Variants in ART3 observed in about 807,000 individuals in gnomAD.
ART3 encodes ecto-ADP-ribosyltransferase 3.
ART3 carries 49 observed loss-of-function variants against 48.5 expected under a neutral mutation model. The observed-to-expected ratio is 1.01, with a 90% CI of 0.80 to 1.28. The LOEUF is 1.28. Ranked by LOEUF, ART3 falls within the 50% of genes most tolerant of loss-of-function variation. ART3 has a pLI of 0.00. For missense variants in ART3, 438 were observed against 454.3 expected (o/e 0.96, Z 0.33); for synonymous variants, 145 against 157.2 (o/e 0.92, Z 0.58).
In ART3 at chr4:76,049,757, G is replaced by A. The variant is rs118063934; in HGVS notation, c.-9-26124G>A. Among the ~76,000 whole-genome samples the A allele has an allele frequency of 5.5e-4, 84 of 152,132 alleles. 1 individual carries two copies. The East Asian group carries it at 0.015, about 27-fold the overall frequency. On this transcript the variant is annotated intron_variant, in intron 1 of 9. Coordinates refer to the ART3 transcript ENST00000341029. ...GCGATAGGCGATGGTCTTACCGCTC[G>A]GCGATAGGCGAAAGTCCCTTCGTGG... is the stretch of plus-strand genomic sequence containing the variant.
In ART3 at chr4:76,082,097, T is replaced by C. The variant is rs781667032; in HGVS notation, c.343T>C (p.Phe115Leu). 1.2e-6 allele frequency: 2 copies of C among 1,614,226 alleles called. No homozygotes were observed. The highest frequency in any genetic ancestry group is 2.2e-5 in the South Asian group (2 of 91,086). The change falls in exon 3 of 12, where the codon TTC becomes CTC. Residue 115 changes from phenylalanine to leucine, a missense_variant. By Grantham distance (22) the Phe-to-Leu change is conservative. Around this residue, in one of 3 missense-constraint regions of ART3, gnomAD observed 206 missense variants for 205.3 expected, o/e 1.00. Transcript: ENST00000355810. ...AGAGCAAACTCCCTTTTACCATCTG[T>C]TCAGTGAAGCTGTGAAGATGGCTGG... is the stretch of plus-strand genomic sequence containing the variant. ...AQEQTPFYHL[F>L]SEAVKMAGQS... is the part of the protein sequence containing the mutation.
At chr4:76,069,372 T>A (rs1720072595) in intron 1 of ART3, among the ~76,000 whole-genome samples, 2 of 144,364 alleles carry the variant, frequency 1.4e-5, no homozygotes, top group South Asian at 4.4e-4. Context: ...TGTAAATGTA[T>A]CAGTACTTAA....
intron 1 of ART3, among the ~76,000 whole-genome samples, chr4:76,038,097 G>A (rs1012806153): frequency 6.6e-6 from 1 of 152,012 alleles, no homozygotes; most frequent in African/African-American, 2.4e-5. Context: ...TTTCTGAGTA[G>A]CATGATGAAA....
At chr4:76,073,582 AC>A (rs1418889460), upstream of ART3, among the ~76,000 whole-genome samples, 1 of 152,198 alleles carries the variant, frequency 6.6e-6, no homozygotes, top group Non-Finnish European at 1.5e-5. Flanking sequence ...TACAAAAAAA[AC>A]ACATATCATA....
At position 76,012,496 on chromosome 4, in the gene ART3, A is replaced by G. The variant is rs1161986262; in HGVS notation, c.-10+1176A>G. ...CTTCCTAAATACAACATGGTGAGTTACATGCAGGCAAATCCTAGCTGTGGG... is the reference window on the plus strand; with the variant it reads ...CTTCCTAAATACAACATGGTGAGTTGCATGCAGGCAAATCCTAGCTGTGGG... On this transcript the variant is annotated intron_variant, in intron 1 of 9. Transcript: ENST00000341029. 2.0e-5 allele frequency among the ~76,000 whole-genome samples: 3 copies of G among 152,176 alleles called. No homozygotes were observed. The East Asian group carries it at 5.8e-4, about 29-fold the overall frequency.
At chr4:76,037,972 C>A (rs1734591907) in intron 1 of ART3, among the ~76,000 whole-genome samples, 1 of 152,126 alleles carries the variant, frequency 6.6e-6, no homozygotes. Flanking sequence ...TATAATCCTG[C>A]ATTTAAATTC....
intron 1 of ART3, chr4:76,023,471 T>C: frequency 6.4e-7 from 1 of 1,568,742 alleles, no homozygotes; most frequent in South Asian, 1.1e-5. Flanking sequence ...AGGCTCAGAA[T>C]ATGTCTAAGC....
chr4:76,016,763 G>A (rs149276706), intron 1 of ART3, among the ~76,000 whole-genome samples: 255 of 152,242 alleles, frequency 1.7e-3, no homozygotes, highest in Non-Finnish European at 2.3e-3. Context: ...ATTCTGTTGC[G>A]GCTAAGCTGG....
intron 11 of ART3, among the ~76,000 whole-genome samples, chr4:76,110,945 CGTTA>C (rs138578816): frequency 0.012 from 1,791 of 148,174 alleles, 32 homozygotes; most frequent in African/African-American, 0.039. Context: ...TATTGTAAAA[CGTTA>C]GTATTTATCC....
chr4:76,083,993 G>A (rs746365100), intron 3 of ART3, among the ~76,000 whole-genome samples: 2 of 152,154 alleles, frequency 1.3e-5, no homozygotes, highest in Non-Finnish European at 2.9e-5. Flanking sequence ...AGCTCAGTTA[G>A]AGTGGTTTTT....
At chr4:76,064,084 A>G (rs1245004394) in intron 1 of ART3, among the ~76,000 whole-genome samples, 1 of 152,248 alleles carries the variant, frequency 6.6e-6, no homozygotes, top group Non-Finnish European at 1.5e-5. Context: ...AAAAGTACCC[A>G]GGGATTCAAT....
upstream of ART3, among the ~76,000 whole-genome samples, chr4:76,073,490 T>A (rs987507792): frequency 1.3e-5 from 2 of 152,352 alleles, no homozygotes; most frequent in East Asian, 3.9e-4. Context: ...ATATCTCTAT[T>A]CTAAAGAGTA....
At chr4:76,073,623 T>C (rs1337075486), upstream of ART3, among the ~76,000 whole-genome samples, 1 of 152,220 alleles carries the variant, frequency 6.6e-6, no homozygotes, top group Admixed American at 6.5e-5. Context: ...TTTCACAAAC[T>C]GAATTTGTCA....
At chr4:76,103,857 GA>G (rs2149693241) in intron 8 of ART3, 79 bp from the exon 9 acceptor site, 1 of 1,249,514 alleles carries the variant, frequency 8.0e-7, no homozygotes, top group Non-Finnish European at 1.1e-6. Flanking sequence ...GTTGGAAATG[GA>G]GGAAATATAG....
intron 1 of ART3, among the ~76,000 whole-genome samples, chr4:76,041,600 T>C (rs1418839681): frequency 8.3e-6 from 1 of 119,870 alleles, no homozygotes; most frequent in Non-Finnish European, 1.7e-5. Context: ...ATATTTTCTT[T>C]AATTAAGCAT....
intron 1 of ART3, among the ~76,000 whole-genome samples, chr4:76,012,657 A>G (rs559411477): frequency 1.3e-5 from 2 of 152,190 alleles, no homozygotes; most frequent in Non-Finnish European, 2.9e-5. Flanking sequence ...GTGAATAAAC[A>G]GTTTTGAGAG....
chr4:76,112,350 AATG>A (rs1354317999), intron 11 of ART3, 33 bp from the exon 12 acceptor site: 10 of 1,576,590 alleles, frequency 6.3e-6, no homozygotes, highest in Admixed American at 3.7e-5. Flanking sequence ...TGACATAAAA[AATG>A]ATGTGTCAGT....
chr4:76,082,569 GGGAA>G, intron 3 of ART3, 34 bp downstream of exon 3: 1 of 1,493,764 alleles, frequency 6.7e-7, no homozygotes. Context: ...TTGGCTGGGA[GGGAA>G]GGAGTGGGAT....
At chr4:76,065,847 T>C (rs998265710) in intron 1 of ART3, among the ~76,000 whole-genome samples, 1 of 152,088 alleles carries the variant, frequency 6.6e-6, no homozygotes, top group African/African-American at 2.4e-5. Context: ...TTGAAAATAC[T>C]AAATAGATAT....
Sources: allele counts gnomAD v4.1 joint callset (sites outside exome capture counted in the v4.1 genomes callset), GRCh38; gene constraint gnomAD v4.1.1; regional missense constraint gnomAD v4.1.1; transcripts MANE v1.5; gene names NCBI Gene and HGNC (gene_info 2026-07-23, HGNC 2026-07-21).